The following SHMT1 variants were observed in gnomAD, a reference collection of about 807,000 sequenced individuals.
The protein encoded by SHMT1 is serine hydroxymethyltransferase 1.
SHMT1 carries 45 observed loss-of-function variants against 49.0 expected under a neutral mutation model. The ratio of observed to expected loss-of-function variants is 0.92; its 90% confidence interval spans 0.72 to 1.18. SHMT1 has a LOEUF of 1.18. Among genes scored for constraint, SHMT1 ranks in the 50% most tolerant of loss-of-function variants. The pLI is 0.00. For missense variants in SHMT1, 541 were observed against 612.4 expected (o/e 0.88, Z 1.23); for synonymous variants, 232 against 246.6 (o/e 0.94, Z 0.55).
rs147472649 is a variant in SHMT1 at position 18,349,430 on chromosome 17, T to G, written c.243-990A>C. Among the ~76,000 whole-genome samples the G allele has an allele frequency of 1.1e-4, 17 of 151,088 alleles. No individual in the cohort carries two copies. In the East Asian group the frequency reaches 2.9e-3, roughly 26 times the overall value. On this transcript the variant is annotated intron_variant, in intron 3 of 11. Coordinates refer to ENST00000316694, the MANE Select transcript of SHMT1 (RefSeq NM_004169.5). ...GCAAGACTCAGTCTCAAAAAAAAAT[T>G]TAAAGTAACTACATGCAGTGGCTCA... is the stretch of plus-strand genomic sequence containing the variant.
chr17:18,338,442 G>A (rs1220287660), intron 7 of SHMT1, among the ~76,000 whole-genome samples: 1 of 148,778 alleles, frequency 6.7e-6, no homozygotes, highest in Non-Finnish European at 1.5e-5. Context: ...CTTCCAGGAG[G>A]TGGGGGGGCG....
rs199916774 is a variant in SHMT1 at position 18,353,738 on chromosome 17, C to T, written c.176G>A (p.Arg59Gln). 4 of 1,614,100 alleles carry T rather than the reference C, an allele frequency of 2.5e-6. No homozygotes were observed. Among genetic ancestry groups the T allele is most frequent in the Middle Eastern group, 1.6e-4 (1 of 6,062 alleles). ...ELIASENFASRAVLEALGSCL... is the reference protein window; with the variant it reads ...ELIASENFASQAVLEALGSCL... ...AGAGCCTAGGGCCTCCAAAACTGCT[C>T]GGCTGGCGAAATTCTCCGAGGCAAT... Residue 59 changes from arginine to glutamine, a missense_variant, in exon 3 of 12, where the codon CGA becomes CAA. Coordinates refer to ENST00000316694, the MANE Select transcript of SHMT1 (RefSeq NM_004169.5).
At chr17:18,346,288 G>C (rs1445328607) in intron 5 of SHMT1, among the ~76,000 whole-genome samples, 3 of 152,144 alleles carry the variant, frequency 2.0e-5, no homozygotes, top group Admixed American at 6.6e-5. Context: ...AACATGAAAA[G>C]ATGGTTCCGG....
At chr17:18,330,901 C>T (rs1983140612) in intron 9 of SHMT1, 1 of 550,348 alleles carries the variant, frequency 1.8e-6, no homozygotes, top group Admixed American at 2.4e-5. Flanking sequence ...CAGCAGAGGG[C>T]CTGACACTCC....
chr17:18,336,300 G>A (rs1009570216), intron 7 of SHMT1, among the ~76,000 whole-genome samples: 18 of 150,804 alleles, frequency 1.2e-4, no homozygotes, highest in African/African-American at 4.4e-4. Context: ...GAAAAAAAAA[G>A]GACAGAAATT....
At chr17:18,362,805 AG>A (rs1986895285) in intron 1 of SHMT1, among the ~76,000 whole-genome samples, 1 of 152,156 alleles carries the variant, frequency 6.6e-6, no homozygotes, top group Non-Finnish European at 1.5e-5. Flanking sequence ...CTCCTAGAAC[AG>A]GGGGTGGCAG....
At chr17:18,359,589 C>T (rs1414907915) in intron 1 of SHMT1, among the ~76,000 whole-genome samples, 1 of 151,124 alleles carries the variant, frequency 6.6e-6, no homozygotes, top group Non-Finnish European at 1.5e-5. Context: ...GAGGTGGAGG[C>T]TGCAGTGAGC....
At chr17:18,344,852 G>A (rs1182645866) in intron 5 of SHMT1, among the ~76,000 whole-genome samples, 3 of 152,180 alleles carry the variant, frequency 2.0e-5, no homozygotes, top group Non-Finnish European at 4.4e-5. Flanking sequence ...GAAGGTTAAT[G>A]TTGCTGTTGC....
Position 18,340,724 on chromosome 17 carries a change from C to T in SHMT1, c.601+8G>A, listed in dbSNP as rs200225255. ...GTGAACAAGGTGACTTTCCGCCCCG[C>T]GCATCACCTGCGATGATCAGCTTCG... On this transcript the variant is annotated splice_region_variant and intron_variant, in intron 6 of 11. Transcript: ENST00000316694. This position sits in a 1 kb window ranked among gnomAD's most constrained non-coding sequence, Gnocchi z 4.5. 116 of 1,609,388 alleles carry T rather than the reference C, an allele frequency of 7.2e-5. No homozygotes were observed. The highest frequency in any genetic ancestry group is 5.0e-5 in the Admixed American group (3 of 59,592).
intron 10 of SHMT1, 88 bp downstream of exon 10, chr17:18,330,467 C>T (rs535645797): frequency 5.6e-5 from 56 of 995,700 alleles, no homozygotes; most frequent in South Asian, 4.9e-4. Flanking sequence ...GGTCTGTCCC[C>T]GGAGCCAATA....
At chr17:18,353,362 T>C (rs1238972915) in intron 3 of SHMT1, 2 of 383,802 alleles carry the variant, frequency 5.2e-6, no homozygotes, top group African/African-American at 4.1e-5. Context: ...ATCCCTCAGA[T>C]GACACTGACC....
At chr17:18,338,305 C>T (rs1277497630) in intron 7 of SHMT1, among the ~76,000 whole-genome samples, 3 of 152,072 alleles carry the variant, frequency 2.0e-5, no homozygotes, top group East Asian at 1.9e-4. Flanking sequence ...GCAGTCGCCC[C>T]GTCTGGGAAG....
intron 1 of SHMT1, among the ~76,000 whole-genome samples, chr17:18,358,079 G>A (rs1428724053): frequency 6.4e-5 from 9 of 141,626 alleles, no homozygotes; most frequent in African/African-American, 2.3e-4. Context: ...GGTTAGCCAG[G>A]ATGGTCTCGG....
chr17:18,338,040 G>T (rs36074773), intron 7 of SHMT1, among the ~76,000 whole-genome samples: 3 of 147,598 alleles, frequency 2.0e-5, no homozygotes, highest in Admixed American at 6.7e-5. Flanking sequence ...CTCATCATCT[G>T]GGATGTGAGG....
At chr17:18,337,053 T>C (rs1250764148) in intron 7 of SHMT1, among the ~76,000 whole-genome samples, 1 of 150,238 alleles carries the variant, frequency 6.7e-6, no homozygotes, top group Non-Finnish European at 1.5e-5. Flanking sequence ...CCATCAATAA[T>C]AGCTACTATT....
intron 3 of SHMT1, among the ~76,000 whole-genome samples, chr17:18,352,443 G>C (rs183503136): frequency 6.6e-6 from 1 of 152,202 alleles, no homozygotes; most frequent in Non-Finnish European, 1.5e-5. Flanking sequence ...ACCGCGCCCG[G>C]TCCCCCTTCT....
chr17:18,337,441 C>T (rs191147672), intron 7 of SHMT1, among the ~76,000 whole-genome samples: 20 of 152,274 alleles, frequency 1.3e-4, no homozygotes, highest in Admixed American at 7.8e-4. Flanking sequence ...ACAGAGGCAA[C>T]GGGGTGCTGA....
intron 3 of SHMT1, among the ~76,000 whole-genome samples, chr17:18,351,497 G>C (rs1393621655): frequency 6.6e-6 from 1 of 150,578 alleles, no homozygotes; most frequent in Non-Finnish European, 1.5e-5. Context: ...AGTGGCTCAC[G>C]CCTGTAATCC....
intron 5 of SHMT1, among the ~76,000 whole-genome samples, chr17:18,345,568 G>A (rs111895841): frequency 0.032 from 4,823 of 151,870 alleles, 211 homozygotes; most frequent in African/African-American, 0.098. Context: ...GTAGAGACGG[G>A]GTTTCACTGT....
Sources: allele counts gnomAD v4.1 joint callset (sites outside exome capture counted in the v4.1 genomes callset), GRCh38; gene constraint gnomAD v4.1.1; non-coding constraint Gnocchi (gnomAD v3.1); transcripts MANE v1.5; gene names NCBI Gene and HGNC (gene_info 2026-07-23, HGNC 2026-07-21).